The following KLHL3 variants were observed in gnomAD, a reference collection of about 807,000 sequenced individuals.
The protein encoded by KLHL3 is kelch-like protein 3.
Under a neutral mutation model 70.5 loss-of-function variants are expected in KLHL3, and 19 were observed. That is an observed-to-expected ratio of 0.27 (90% CI 0.19 to 0.40). KLHL3 has a LOEUF of 0.40. KLHL3 is among the 10% of genes least tolerant of loss of function. The pLI is 1.00. For missense variants in KLHL3, 512 were observed against 771.1 expected, an observed-to-expected ratio of 0.66 and a Z score of 3.98; for synonymous variants, 258 against 290.3, an observed-to-expected ratio of 0.89 and a Z score of 1.13.
intron 13 of KLHL3, among the ~76,000 whole-genome samples, chr5:137,627,862 T>C (rs994187971): frequency 1.3e-5 from 2 of 152,186 alleles, no homozygotes; most frequent in African/African-American, 2.4e-5. Context: ...GGAAGGAGAC[T>C]GCTTTCAAGT....
intron 1 of KLHL3, 97 bp from the exon 2 acceptor site, chr5:137,720,681 A>G (rs1023115018): frequency 1.4e-5 from 22 of 1,575,764 alleles, no homozygotes; most frequent in Non-Finnish European, 1.9e-5. Flanking sequence ...CACCTACCAG[A>G]GGCATCTATC....
At chr5:137,660,574 A>C (rs940709614) in intron 7 of KLHL3, 1 of 152,216 alleles carries the variant, frequency 6.6e-6, no homozygotes, top group Non-Finnish European at 1.5e-5. Flanking sequence ...GCTTGCAAGC[A>C]TATCCCTCAG....
At chr5:137,654,039 A>G (rs1002487592) in intron 8 of KLHL3, among the ~76,000 whole-genome samples, 1 of 152,226 alleles carries the variant, frequency 6.6e-6, no homozygotes, top group African/African-American at 2.4e-5. Context: ...CACTCTAGAA[A>G]AGGCAAAACC....
rs558916366 is a variant in KLHL3 at position 137,699,055 on chromosome 5, G to A, written c.242-647C>T. On this transcript the variant is annotated intron_variant, in intron 3 of 14. Transcript: ENST00000309755. ...AGGCCAAGTTGGGTTGAAACCCAGGGAGTCTGACTCTAGAGTCCATATTTG... is the reference window on the plus strand; with the variant it reads ...AGGCCAAGTTGGGTTGAAACCCAGGAAGTCTGACTCTAGAGTCCATATTTG... 2.0e-5 allele frequency among the ~76,000 whole-genome samples: 3 copies of A among 152,210 alleles called. No individual in the cohort carries two copies. In the East Asian group the frequency reaches 5.8e-4, roughly 29 times the overall value.
At chr5:137,693,333 CTATT>C (rs906885506) in intron 4 of KLHL3, among the ~76,000 whole-genome samples, 4 of 152,314 alleles carry the variant, frequency 2.6e-5, no homozygotes, top group East Asian at 1.9e-4. Flanking sequence ...GGACACATGA[CTATT>C]TATACTATAT....
intron 1 of KLHL3, among the ~76,000 whole-genome samples, chr5:137,728,788 G>A (rs539245809): frequency 1.2e-3 from 185 of 152,118 alleles, no homozygotes; most frequent in African/African-American, 3.6e-3. Flanking sequence ...GAGAACTCAC[G>A]GACACAAAGA....
chr5:137,661,582 C>T (rs925620676), intron 7 of KLHL3: 4 of 198,676 alleles, frequency 2.0e-5, no homozygotes, highest in Non-Finnish European at 4.0e-5. Context: ...AAGCAGCTGA[C>T]TTGCATACTC....
intron 6 of KLHL3, among the ~76,000 whole-genome samples, chr5:137,669,826 C>T (rs1362329556): frequency 6.6e-6 from 1 of 152,108 alleles, no homozygotes; most frequent in Non-Finnish European, 1.5e-5. Flanking sequence ...GAAGAAAATG[C>T]CTGAGTGTTT....
rs139112931 is a variant in KLHL3 at position 137,715,064 on chromosome 5, T to G, written c.135-5208A>C. On this transcript the variant is annotated intron_variant, in intron 2 of 14. Transcript: ENST00000309755. ...AAGAAGGCCCACAGCCCCATTTGCT[T>G]GCTGGATGGTAAGTCAGGAGTAAGA... Among the ~76,000 whole-genome samples, 1,402 of 152,318 alleles carry G rather than the reference T, an allele frequency of 9.2e-3. 24 individuals are homozygous for G. Among genetic ancestry groups the G allele is most frequent in the African/African-American group, 0.032 (1,319 of 41,554 alleles).
intron 12 of KLHL3, chr5:137,628,691 T>TA (rs1554089840): frequency 6.2e-5 from 18 of 288,242 alleles, no homozygotes; most frequent in East Asian, 5.1e-4. Context: ...TAAAAAACAT[T>TA]AAAAAATATA....
chr5:137,643,172 G>A (rs558994000), intron 8 of KLHL3, among the ~76,000 whole-genome samples: 78 of 152,110 alleles, frequency 5.1e-4, no homozygotes, highest in Non-Finnish European at 4.0e-4. Flanking sequence ...GCAACATGGT[G>A]AAACCCCGTC....
At chr5:137,689,003 G>C (rs931321751) in intron 5 of KLHL3, among the ~76,000 whole-genome samples, 1 of 152,216 alleles carries the variant, frequency 6.6e-6, no homozygotes. Flanking sequence ...CTCATCATCA[G>C]ATAGTGAAAG....
chr5:137,651,102 C>T (rs923399688), intron 8 of KLHL3, among the ~76,000 whole-genome samples: 1 of 152,054 alleles, frequency 6.6e-6, no homozygotes, highest in Non-Finnish European at 1.5e-5. Context: ...ATAAGCCCAT[C>T]AGGAAAAAAT....
intron 2 of KLHL3, among the ~76,000 whole-genome samples, chr5:137,718,871 A>T (rs1007295575): frequency 2.6e-5 from 4 of 152,256 alleles, no homozygotes; most frequent in African/African-American, 9.6e-5. Context: ...AGACAAATTT[A>T]ATTTAACTTG....
intron 6 of KLHL3, chr5:137,671,641 T>C (rs1278032135): frequency 6.6e-6 from 1 of 152,206 alleles, no homozygotes; most frequent in African/African-American, 2.4e-5. Flanking sequence ...AATCTCTGCC[T>C]TGCAACTTGT....
At chr5:137,706,248 G>C (rs2149927315) in intron 3 of KLHL3, 1 of 985,292 alleles carries the variant, frequency 1.0e-6, no homozygotes, top group Non-Finnish European at 1.2e-6. Flanking sequence ...TTTCCTTTTG[G>C]CTTTAAACAC....
At chr5:137,623,672 A>C (rs548584905) in intron 14 of KLHL3, among the ~76,000 whole-genome samples, 36 of 152,250 alleles carry the variant, frequency 2.4e-4, no homozygotes, top group Non-Finnish European at 4.6e-4. Flanking sequence ...ACTTTCTAGC[A>C]TCTAACAATA....
intron 8 of KLHL3, among the ~76,000 whole-genome samples, 190 bp from the exon 9 acceptor site, chr5:137,640,167 C>T (rs745848103): frequency 9.2e-5 from 14 of 152,204 alleles, no homozygotes; most frequent in Non-Finnish European, 1.6e-4. Flanking sequence ...GTCTAACAAG[C>T]ATCTTCCCAC....
intron 5 of KLHL3, among the ~76,000 whole-genome samples, chr5:137,686,889 T>TAGTGTGCAGAGCATAGTGGGCTGCTGA (rs368611403): frequency 6.7e-5 from 4 of 59,560 alleles, no homozygotes; most frequent in Admixed American, 1.7e-4. Flanking sequence ...ATTACCTCCC[T>TAGTGTGCAGAGCATAGTGGGCTGCTGA]GAGGGGCGCC....
Sources: gnomAD v4.1 joint callset for allele counts (sites outside exome capture counted in the v4.1 genomes callset) on GRCh38, gnomAD v4.1.1 for gene constraint, MANE v1.5 for transcripts, NCBI Gene and HGNC (gene_info 2026-07-23, HGNC 2026-07-21) for gene names.